LRRC75A: variants seen among roughly 807,000 people sequenced by gnomAD.
LRRC75A encodes leucine rich repeat containing 75A.
In LRRC75A, 12 loss-of-function variants were observed where a neutral mutation model predicts 26.0. The observed-to-expected ratio is 0.46, with a 90% CI of 0.30 to 0.75. The LOEUF (loss-of-function observed/expected upper bound fraction) is 0.75. LRRC75A is among the 30% of genes least tolerant of loss of function. The pLI is 0.08. For missense variants in LRRC75A, 410 were observed against 486.6 expected, an observed-to-expected ratio of 0.84 and a Z score of 1.48; for synonymous variants, 223 against 219.3, an observed-to-expected ratio of 1.02 and a Z score of -0.15.
intron 2 of LRRC75A, chr17:16,448,301 C>T (rs959466264): frequency 2.0e-5 from 7 of 357,370 alleles, no homozygotes; most frequent in East Asian, 7.3e-5. Flanking sequence ...TGTCCAGGGC[C>T]GCTCTGTGCA....
rs995057069 is a variant in LRRC75A, at chr17:16,442,729, G to A, written c.*859C>T. 4 of 152,106 alleles carry A rather than the reference G, an allele frequency of 2.6e-5. No individual in the cohort carries two copies. Among genetic ancestry groups the A allele is most frequent in the Non-Finnish European group, 4.4e-5 (3 of 68,028 alleles). The allele number at this position is 152,106 out of a possible 1,614,324, so 9.4% of individuals were successfully genotyped here. A position where few individuals can be genotyped will look rare whatever the true frequency, so the allele number is the denominator to read the frequency against. ...AGAGTTATGGGGAAAGAGTTCTTAC[G>A]GCCTGTCTAGGTCAGTGAAGTCATA... On this transcript the variant is annotated 3_prime_UTR_variant, in exon 4 of 4. Transcript: ENST00000470794.
intron 1 of LRRC75A, among the ~76,000 whole-genome samples, chr17:16,482,639 T>C (rs533298615): frequency 8.5e-4 from 129 of 152,312 alleles, no homozygotes; most frequent in African/African-American, 3.0e-3. Context: ...CAGCAGCCAG[T>C]GTGTGCCGTG....
intron 1 of LRRC75A, among the ~76,000 whole-genome samples, chr17:16,468,363 T>G (rs2093785180): frequency 6.6e-6 from 1 of 152,096 alleles, no homozygotes; most frequent in African/African-American, 2.4e-5. Flanking sequence ...CGCAACGAAA[T>G]ATTATTCAGC....
At chr17:16,452,900 C>G (rs774058705) in intron 2 of LRRC75A, among the ~76,000 whole-genome samples, 86 of 152,150 alleles carry the variant, frequency 5.7e-4, no homozygotes, top group Admixed American at 5.2e-4. Flanking sequence ...CTGAGCCCCT[C>G]AGCTGCAGCT....
At chr17:16,444,795 G>A (rs1411452717) in intron 3 of LRRC75A, among the ~76,000 whole-genome samples, 1 of 141,052 alleles carries the variant, frequency 7.1e-6, no homozygotes, top group South Asian at 2.6e-4. Context: ...CCCCACCCCC[G>A]CCATCTGTTT....
chr17:16,491,702 C>A lies in LRRC75A; in HGVS notation c.246+43G>T, dbSNP rs1288585335. 31 of 1,279,786 alleles carry A rather than the reference C, an allele frequency of 2.4e-5. No individual in the cohort carries two copies. The highest frequency in any genetic ancestry group is 3.0e-5 in the Non-Finnish European group (30 of 1,011,064). 79.3% of individuals were successfully genotyped at this position (1,279,786 alleles called of 1,614,324 possible). On this transcript the variant is annotated intron_variant, in intron 1 of 3. Transcript: ENST00000470794. This position sits in a 1 kb window ranked among gnomAD's most constrained non-coding sequence, Gnocchi z 5.9. ...GGGCGCCCCCCCCGGCCCAGCACGC[C>A]CCCTGGCCCGGCGCGCCCCCCGCGC...
At chr17:16,454,811 T>C (rs2093663527) in intron 2 of LRRC75A, among the ~76,000 whole-genome samples, 2 of 152,060 alleles carry the variant, frequency 1.3e-5, no homozygotes, top group South Asian at 4.1e-4. Flanking sequence ...TTTAAAGAGA[T>C]GGGGGTCTCA....
chr17:16,476,801 C>T (rs1485216376), intron 1 of LRRC75A, among the ~76,000 whole-genome samples: 2 of 137,340 alleles, frequency 1.5e-5, no homozygotes, highest in Admixed American at 1.6e-4. Context: ...TGCAGTAGCA[C>T]AATCTCGGCT....
At chr17:16,457,432 G>T (rs2093693921) in intron 2 of LRRC75A, among the ~76,000 whole-genome samples, 1 of 152,172 alleles carries the variant, frequency 6.6e-6, no homozygotes, top group Admixed American at 6.6e-5. Flanking sequence ...CAGCTAATGG[G>T]AGCAATGGCA....
At chr17:16,485,330 G>A (rs1242287441) in intron 1 of LRRC75A, among the ~76,000 whole-genome samples, 1 of 152,126 alleles carries the variant, frequency 6.6e-6, no homozygotes, top group African/African-American at 2.4e-5. Context: ...GCCTACGGGA[G>A]GTGATTCAGT....
intron 1 of LRRC75A, among the ~76,000 whole-genome samples, chr17:16,482,092 A>G (rs1040069038): frequency 6.6e-6 from 1 of 152,070 alleles, no homozygotes; most frequent in African/African-American, 2.4e-5. Context: ...CCCGGTGCCA[A>G]TGGAGAGAAA....
chr17:16,449,573 A>T (rs2093614365), intron 2 of LRRC75A, among the ~76,000 whole-genome samples: 1 of 152,182 alleles, frequency 6.6e-6, no homozygotes, highest in Non-Finnish European at 1.5e-5. Flanking sequence ...AGGAGGGAAG[A>T]TGACTTCTGC....
At chr17:16,458,016 A>C (rs925608925) in intron 2 of LRRC75A, among the ~76,000 whole-genome samples, 3 of 151,904 alleles carry the variant, frequency 2.0e-5, no homozygotes, top group Non-Finnish European at 4.4e-5. Flanking sequence ...CAACAACAAA[A>C]AAGCAAGGCC....
intron 1 of LRRC75A, among the ~76,000 whole-genome samples, chr17:16,473,869 G>A (rs996378699): frequency 6.6e-6 from 1 of 152,146 alleles, no homozygotes; most frequent in African/African-American, 2.4e-5. Context: ...CAGCGGGCTG[G>A]GCAGCGATGT....
At chr17:16,485,398 A>T (rs1403927872) in intron 1 of LRRC75A, among the ~76,000 whole-genome samples, 1 of 152,174 alleles carries the variant, frequency 6.6e-6, no homozygotes, top group Non-Finnish European at 1.5e-5. Context: ...GACCCCAGAG[A>T]GACCCTTCAT....
Position 16,454,788 on chromosome 17 carries a change from ATTTC to A in LRRC75A, c.376-6832_376-6829del, listed in dbSNP as rs570240255. Reference sequence around the variant, plus strand: ...TCTTTCCCTGGGGTTTGGGGTCTTCATTTCTTTCTTTTTTTAAAGAGATGGGGGT... The same window carrying A: ...TCTTTCCCTGGGGTTTGGGGTCTTCATTTCTTTTTTTAAAGAGATGGGGGT... On this transcript the variant is annotated intron_variant, in intron 2 of 3. Transcript: ENST00000470794. Among the ~76,000 whole-genome samples the A allele has an allele frequency of 7.9e-5, 12 of 152,110 alleles. No homozygotes were observed. The East Asian group carries it at 2.3e-3, about 29-fold the overall frequency.
At chr17:16,459,996 C>T (rs1044998864) in intron 2 of LRRC75A, among the ~76,000 whole-genome samples, 5 of 152,180 alleles carry the variant, frequency 3.3e-5, no homozygotes, top group Non-Finnish European at 5.9e-5. Context: ...ATGTTGGTAT[C>T]TCCCCAGAAT....
Position 16,490,278 on chromosome 17 carries a change from G to T in LRRC75A, c.246+1467C>A, listed in dbSNP as rs61142293. On this transcript the variant is annotated intron_variant, in intron 1 of 3. Coordinates refer to ENST00000470794, the MANE Select transcript of LRRC75A (RefSeq NM_001113567.3). The stretch of plus-strand genomic sequence containing the variant: ...AACCTTACTGTATGGTGTGTAAATA[G>T]GATACCATGGTCTGGAAAACCCAAT... 6.6e-3 allele frequency among the ~76,000 whole-genome samples: 998 copies of T among 151,778 alleles called. 11 individuals carry two copies. The highest frequency in any genetic ancestry group is 0.023 in the African/African-American group (963 of 41,058).
chr17:16,491,711 CGG>C lies in LRRC75A; in HGVS notation c.246+32_246+33del. On this transcript the variant is annotated intron_variant, in intron 1 of 3. Coordinates refer to ENST00000470794, the MANE Select transcript of LRRC75A (RefSeq NM_001113567.3). The surrounding 1 kb of genome is among the most constrained non-coding windows in gnomAD (Gnocchi z 5.9). ...CCCCGGCCCAGCACGCCCCCTGGCC[CGG>C]CGCGCCCCCCGCGCCCCCTCCCCGC... The C allele has an allele frequency of 1.5e-6, 2 of 1,296,108 alleles. No homozygotes were observed. The highest frequency in any genetic ancestry group is 4.1e-5 in the South Asian group (2 of 48,576). The allele number at this position is 1,296,108 out of a possible 1,614,324, so 80.3% of individuals were successfully genotyped here.
Sources: gnomAD v4.1 joint callset for allele counts (sites outside exome capture counted in the v4.1 genomes callset) on GRCh38, gnomAD v4.1.1 for gene constraint, Gnocchi (gnomAD v3.1) non-coding constraint, MANE v1.5 for transcripts, NCBI Gene and HGNC (gene_info 2026-07-23, HGNC 2026-07-21) for gene names.